Variants in TRAK1 observed in about 807,000 individuals in gnomAD.
TRAK1 encodes trafficking kinesin-binding protein 1.
A neutral mutation model predicts 92.1 loss-of-function variants in TRAK1; 33 were observed. That is an observed-to-expected ratio of 0.36 (90% CI 0.27 to 0.48). TRAK1 has a LOEUF of 0.48. TRAK1 is among the 20% of genes least tolerant of loss of function. The pLI is 0.99. For missense variants in TRAK1, 1,123 were observed against 1,257.9 expected, an observed-to-expected ratio of 0.89 and a Z score of 1.62; for synonymous variants, 521 against 517.3, an observed-to-expected ratio of 1.01 and a Z score of -0.10.
chr3:42,056,318 T>C (rs560237795), intron 1 of TRAK1, among the ~76,000 whole-genome samples: 24 of 152,342 alleles, frequency 1.6e-4, no homozygotes, highest in Non-Finnish European at 2.2e-4. Flanking sequence ...GTGAGGGTTC[T>C]GGTTTGTCCA....
intron 1 of TRAK1, among the ~76,000 whole-genome samples, chr3:42,063,330 C>T (rs1212608814): frequency 6.6e-6 from 1 of 152,264 alleles, no homozygotes; most frequent in Non-Finnish European, 1.5e-5. Flanking sequence ...TTTTGTCTGT[C>T]AGTACATTCC....
intron 2 of TRAK1, among the ~76,000 whole-genome samples, chr3:42,147,049 A>G (rs1699412252): frequency 6.6e-6 from 1 of 152,058 alleles, no homozygotes; most frequent in Non-Finnish European, 1.5e-5. Context: ...GACTCCATTC[A>G]CCTGTCTTGA....
rs200488500 is a variant in TRAK1, at chr3:42,188,057, C to T, written c.493C>T (p.Arg165Trp). 14 of 1,613,976 alleles carry T rather than the reference C, an allele frequency of 8.7e-6. No homozygotes were observed. The highest frequency in any genetic ancestry group is 2.7e-5 in the African/African-American group (2 of 75,020). Residue 165 changes from arginine (R) to tryptophan (W), a missense_variant, in exon 5 of 16, where the codon CGG (arginine) becomes TGG (tryptophan). Arg to Trp is a moderately radical substitution (Grantham distance 101). Around this residue, in one of 3 missense-constraint regions of TRAK1, gnomAD observed 686 missense variants for 747.6 expected, o/e 0.92. Coordinates refer to ENST00000327628, the MANE Select transcript of TRAK1 (RefSeq NM_001042646.3). ...TCTGCTTGTGCAGGTGTCTCAGCTCCGGCATGAGCTGTCCATGAAGGATGA... is the reference window on the plus strand; with the variant it reads ...TCTGCTTGTGCAGGTGTCTCAGCTCTGGCATGAGCTGTCCATGAAGGATGA... ...EHIREEVSQLRHELSMKDELL... is the reference protein window; with the variant it reads ...EHIREEVSQLWHELSMKDELL...
At chr3:42,087,099 C>T (rs1704717176), upstream of TRAK1, 1 of 152,444 alleles carries the variant, frequency 6.6e-6, no homozygotes, top group Non-Finnish European at 1.5e-5. Context: ...TCAATTGTCC[C>T]ATAGATTCCC....
At chr3:42,109,319 A>G (rs73828541) in intron 1 of TRAK1, among the ~76,000 whole-genome samples, 7,809 of 152,256 alleles carry the variant, frequency 0.051, 692 homozygotes, top group African/African-American at 0.18. Context: ...AAACCCAATA[A>G]AATCCAGATG....
At chr3:42,087,137 A>T (rs1263085286), upstream of TRAK1, 3 of 152,596 alleles carry the variant, frequency 2.0e-5, no homozygotes, top group Admixed American at 1.3e-4. Flanking sequence ...GGTGCACCAG[A>T]ACTACCGGGG....
intron 1 of TRAK1, among the ~76,000 whole-genome samples, chr3:42,103,561 G>T (rs1352234540): frequency 6.6e-6 from 1 of 152,136 alleles, no homozygotes. Context: ...GAGCAGTGGT[G>T]GGGGATCGTT....
chr3:42,125,314 G>A lies in TRAK1; in HGVS notation c.92-106G>A, dbSNP rs1187108460. The A allele has an allele frequency of 1.1e-5, 11 of 965,752 alleles. No homozygotes were observed. In the African/African-American group the frequency reaches 1.1e-4, roughly 10 times the overall value. The allele number at this position is 965,752 out of a possible 1,614,324, so 59.8% of individuals were successfully genotyped here. ...TAGCCTTGTCTAGCTTCTTTGTGCT[G>A]TAGATAAATAACCGAAGATACCTGC... On this transcript the variant is annotated intron_variant, in intron 1 of 15. Transcript: ENST00000327628.
chr3:42,194,012 A>G (rs574832182), intron 9 of TRAK1, 114 bp downstream of exon 9: 2 of 1,004,650 alleles, frequency 2.0e-6, no homozygotes, highest in Admixed American at 2.5e-5. Flanking sequence ...TTTGAATTTC[A>G]TTTCATTTTT....
chr3:42,204,702 A>G (rs933909737), intron 13 of TRAK1, among the ~76,000 whole-genome samples: 2 of 152,168 alleles, frequency 1.3e-5, no homozygotes, highest in African/African-American at 4.8e-5. Flanking sequence ...CTCCCGCCTC[A>G]GCTTCCCAAG....
chr3:42,018,565 AAAAT>A (rs1281873719), intron 1 of TRAK1, among the ~76,000 whole-genome samples: 6 of 152,212 alleles, frequency 3.9e-5, no homozygotes, highest in African/African-American at 7.2e-5. Flanking sequence ...GGTGACTTTA[AAAAT>A]CTTTTTTTTC....
intron 14 of TRAK1, chr3:42,211,457 A>T: frequency 1.0e-6 from 1 of 985,424 alleles, no homozygotes; most frequent in Non-Finnish European, 1.2e-6. Context: ...GAAAAAGAGA[A>T]ACCAGCTGCG....
intron 1 of TRAK1, among the ~76,000 whole-genome samples, chr3:42,069,942 C>G (rs947878162): frequency 6.6e-6 from 1 of 151,938 alleles, no homozygotes; most frequent in African/African-American, 2.4e-5. Flanking sequence ...ACTGCTGCCT[C>G]CCGGGTTCAA....
intron 5 of TRAK1, among the ~76,000 whole-genome samples, chr3:42,188,625 TG>T: frequency 6.6e-6 from 1 of 152,372 alleles, no homozygotes; most frequent in East Asian, 1.9e-4. Flanking sequence ...ACTTAACCTC[TG>T]TACTTGTTTT....
chr3:42,047,200 CTTTTTTT>C (rs561224807), intron 1 of TRAK1, among the ~76,000 whole-genome samples: 18,075 of 107,198 alleles, frequency 0.17, 1,719 homozygotes, highest in Middle Eastern at 0.37. Context: ...AAAAACTGAT[CTTTTTTT>C]TTTTTTTTTT....
intron 14 of TRAK1, chr3:42,210,822 G>C: frequency 2.0e-6 from 2 of 985,440 alleles, no homozygotes; most frequent in Non-Finnish European, 2.4e-6. Context: ...AGATGAAGTT[G>C]GAAAAGAGCT....
intron 2 of TRAK1, among the ~76,000 whole-genome samples, chr3:42,137,745 C>G (rs144256960): frequency 1.0e-3 from 153 of 152,238 alleles, no homozygotes; most frequent in Admixed American, 4.3e-3. Flanking sequence ...TATAGTGAAG[C>G]TTTTCTTCTT....
At chr3:42,024,236 G>A (rs1449344314) in intron 1 of TRAK1, among the ~76,000 whole-genome samples, 1 of 152,204 alleles carries the variant, frequency 6.6e-6, no homozygotes, top group Admixed American at 6.5e-5. Context: ...AATTGCTGGG[G>A]GAGGGAGTGT....
At chr3:42,215,768 T>A (rs1709611037) in intron 14 of TRAK1, among the ~76,000 whole-genome samples, 1 of 152,208 alleles carries the variant, frequency 6.6e-6, no homozygotes, top group African/African-American at 2.4e-5. Context: ...GTTATTTATG[T>A]GAGTTTTTAA....
Sources: allele counts gnomAD v4.1 joint callset (sites outside exome capture counted in the v4.1 genomes callset), GRCh38; gene constraint gnomAD v4.1.1; regional missense constraint gnomAD v4.1.1; transcripts MANE v1.5; gene names NCBI Gene and HGNC (gene_info 2026-07-23, HGNC 2026-07-21).